The following PCDH15 variants were observed in gnomAD, a reference collection of about 807,000 sequenced individuals.
PCDH15 encodes protocadherin-15.
In PCDH15, 129 loss-of-function variants were observed where a neutral mutation model predicts 178.5. The observed-to-expected ratio is 0.72, with a 90% CI of 0.63 to 0.84. The LOEUF is 0.84. Ranked by LOEUF, PCDH15 falls within the 40% of genes least tolerant of loss-of-function variation. The pLI is 0.00. For missense variants in PCDH15, 2,230 were observed against 2,099.9 expected, an observed-to-expected ratio of 1.06 and a Z score of -1.21; for synonymous variants, 800 against 732.0, an observed-to-expected ratio of 1.09 and a Z score of -1.50.
rs545008315 is a variant in PCDH15 at position 54,075,152 on chromosome 10, C to A, written c.2091+4179G>T. Among the ~76,000 whole-genome samples, 71 of 151,938 alleles carry A rather than the reference C, an allele frequency of 4.7e-4. 1 individual carries two copies. Among genetic ancestry groups the A allele is most frequent in the African/African-American group, 1.5e-3 (63 of 41,480 alleles). ...CAGCACTTTGGGAGGCTGAGGCAGG[C>A]AGATCACGAGGTCAGGAGATTGAGA... On this transcript the variant is annotated intron_variant, in intron 17 of 37. Transcript: ENST00000644397.
Position 54,294,721 on chromosome 10 carries a change from C to T in PCDH15, c.876+22550G>A, listed in dbSNP as rs536917705. ...TGAGTCAATCTGTCAAAATTACACA[C>T]CAAGCTTTTAATTAATTCATCAATT... On this transcript the variant is annotated intron_variant, in intron 8 of 37. Transcript: ENST00000644397. Among the ~76,000 whole-genome samples the T allele has an allele frequency of 3.3e-5, 5 of 152,174 alleles. No homozygotes were observed. The South Asian group carries it at 1.0e-3, about 32-fold the overall frequency.
chr10:54,287,881 G>A (rs945313568), intron 8 of PCDH15, among the ~76,000 whole-genome samples: 1 of 152,058 alleles, frequency 6.6e-6, no homozygotes, highest in Non-Finnish European at 1.5e-5. Flanking sequence ...CATCTATTCT[G>A]GTTAGAGATG....
chr10:54,842,556 T>C lies in PCDH15; in HGVS notation c.-29+54894A>G, dbSNP rs1296619381. Among the ~76,000 whole-genome samples the C allele has an allele frequency of 3.9e-5, 6 of 151,940 alleles. No homozygotes were observed. The East Asian group carries it at 1.2e-3, about 29-fold the overall frequency. ...TTTGAAATTCTACTAAGATATTCTG[T>C]AGATGTGTGAGGTAAGCATAGATTA... is the stretch of plus-strand genomic sequence containing the variant. On this transcript the variant is annotated intron_variant, in intron 3 of 5. Coordinates refer to the PCDH15 transcript ENST00000458638.
At chr10:55,404,131 C>T (rs1304307795) in intron 2 of PCDH15, among the ~76,000 whole-genome samples, 1 of 151,944 alleles carries the variant, frequency 6.6e-6, no homozygotes, top group Non-Finnish European at 1.5e-5. Flanking sequence ...GAATACCCCC[C>T]ACATTTTCCT....
At chr10:53,811,895 T>C (rs1421079160) in intron 35 of PCDH15, among the ~76,000 whole-genome samples, 2 of 152,238 alleles carry the variant, frequency 1.3e-5, no homozygotes, top group Non-Finnish European at 2.9e-5. Context: ...GGCAAACCTG[T>C]TAAAACTTGC....
chr10:54,657,367 G>T (rs2094424970), intron 2 of PCDH15, among the ~76,000 whole-genome samples: 1 of 152,146 alleles, frequency 6.6e-6, no homozygotes, highest in Admixed American at 6.5e-5. Flanking sequence ...GTCAGGGTGG[G>T]TGCCTCCAGT....
chr10:55,093,500 A>G (rs923617077), intron 2 of PCDH15, among the ~76,000 whole-genome samples: 2 of 152,046 alleles, frequency 1.3e-5, no homozygotes, highest in African/African-American at 2.4e-5. Flanking sequence ...CCATTTGTCA[A>G]TTTCGGCTTT....
At chr10:54,943,339 T>C (rs1054429792) in intron 2 of PCDH15, among the ~76,000 whole-genome samples, 1 of 152,002 alleles carries the variant, frequency 6.6e-6, no homozygotes, top group Middle Eastern at 3.2e-3. Flanking sequence ...TGCTGTTTTC[T>C]TCCATTCTTA....
intron 2 of PCDH15, among the ~76,000 whole-genome samples, chr10:54,548,455 T>C (rs75056208): frequency 0.021 from 3,048 of 148,164 alleles, 87 homozygotes; most frequent in African/African-American, 0.069. Context: ...AAGTTAATTA[T>C]ATCCATTTTC....
At chr10:54,970,547 T>C (rs1304484257) in intron 2 of PCDH15, among the ~76,000 whole-genome samples, 2 of 152,196 alleles carry the variant, frequency 1.3e-5, no homozygotes, top group Non-Finnish European at 2.9e-5. Context: ...CTTTTATCTG[T>C]AGATTTTTTT....
intron 3 of PCDH15, among the ~76,000 whole-genome samples, chr10:54,496,133 A>G (rs2137263646): frequency 6.6e-6 from 1 of 152,276 alleles, no homozygotes; most frequent in African/African-American, 2.4e-5. Flanking sequence ...GACTATAGTT[A>G]TGTTACCTGC....
At chr10:54,329,814 T>C (rs1053655066) in intron 6 of PCDH15, 108 bp from the exon 7 acceptor site, 1 of 776,768 alleles carries the variant, frequency 1.3e-6, no homozygotes, top group East Asian at 2.5e-5. Context: ...ATGCTTATCA[T>C]CTGAAAATAG....
At chr10:55,095,857 C>G (rs191575246) in intron 2 of PCDH15, among the ~76,000 whole-genome samples, 1 of 151,850 alleles carries the variant, frequency 6.6e-6, no homozygotes, top group African/African-American at 2.4e-5. Context: ...ATTCATGGTA[C>G]CTATATTTTT....
chr10:54,755,270 C>T (rs1458383521), intron 1 of PCDH15, among the ~76,000 whole-genome samples: 2 of 151,978 alleles, frequency 1.3e-5, no homozygotes, highest in East Asian at 1.9e-4. Context: ...GCAGGCAATG[C>T]TAATATTGGT....
chr10:55,073,004 A>T (rs547942199), intron 2 of PCDH15, among the ~76,000 whole-genome samples: 1 of 152,214 alleles, frequency 6.6e-6, no homozygotes, highest in African/African-American at 2.4e-5. Flanking sequence ...AAACCACATG[A>T]TTATCTCAAG....
intron 14 of PCDH15, among the ~76,000 whole-genome samples, chr10:54,150,338 C>G (rs2044398122): frequency 1.3e-5 from 2 of 151,854 alleles, no homozygotes; most frequent in South Asian, 4.2e-4. Context: ...GATCACACAC[C>G]CTGCAAAGTT....
intron 3 of PCDH15, among the ~76,000 whole-genome samples, chr10:54,856,197 T>C (rs1229591043): frequency 6.6e-6 from 1 of 152,148 alleles, no homozygotes; most frequent in Non-Finnish European, 1.5e-5. Flanking sequence ...AGAGGTAAAC[T>C]CAGTGGCCAC....
chr10:54,518,310 G>C (rs557448305), intron 3 of PCDH15, among the ~76,000 whole-genome samples: 1 of 151,850 alleles, frequency 6.6e-6, no homozygotes, highest in Non-Finnish European at 1.5e-5. Context: ...TTGATAGACC[G>C]CTAGCAAGAC....
At chr10:54,842,286 A>G (rs994037588) in intron 3 of PCDH15, among the ~76,000 whole-genome samples, 2 of 151,754 alleles carry the variant, frequency 1.3e-5, no homozygotes, top group Non-Finnish European at 3.0e-5. Flanking sequence ...CTCCATCCAG[A>G]CCTATTGTTA....
Sources: allele counts gnomAD v4.1 joint callset (sites outside exome capture counted in the v4.1 genomes callset), GRCh38; gene constraint gnomAD v4.1.1; transcripts MANE v1.5; gene names NCBI Gene and HGNC (gene_info 2026-07-23, HGNC 2026-07-21).